The following APOD variants were observed in gnomAD, a reference collection of about 807,000 sequenced individuals.
The protein encoded by APOD is apo-D.
APOD carries 22 observed loss-of-function variants against 20.4 expected under a neutral mutation model. The ratio of observed to expected loss-of-function variants is 1.08; its 90% CI spans 0.77 to 1.54. The LOEUF (loss-of-function observed/expected upper bound fraction) is 1.54, where lower values mean the gene tolerates loss of function less well. APOD is among the 40% of genes most tolerant of loss of function. The probability of loss-of-function intolerance (pLI) is 0.00; values close to 1 mark genes in which losing one functional copy is unlikely to be tolerated. For synonymous variants in APOD, 97 were observed against 92.4 expected, an observed-to-expected ratio of 1.05 and a Z score of -0.29; for missense variants, 223 against 229.6, an observed-to-expected ratio of 0.97 and a Z score of 0.19.
chr3:195,573,680 C>G (rs1185610663), intron 3 of APOD, among the ~76,000 whole-genome samples, 170 bp downstream of exon 3: 1 of 152,182 alleles, frequency 6.6e-6, no homozygotes, highest in African/African-American at 2.4e-5. Context: ...ATAAGTGGAT[C>G]CTAGTCCTTG....
intron 4 of APOD, among the ~76,000 whole-genome samples, chr3:195,569,789 T>G (rs1720127502): frequency 1.7e-5 from 2 of 114,940 alleles, no homozygotes; most frequent in African/African-American, 3.7e-5. Context: ...CTTCTTCGTT[T>G]TTTTTTTTTT....
At chr3:195,570,277 C>T (rs141154253) in intron 4 of APOD, among the ~76,000 whole-genome samples, 8 of 152,268 alleles carry the variant, frequency 5.3e-5, no homozygotes, top group Middle Eastern at 3.4e-3. Flanking sequence ...TGATGGCCTG[C>T]GTCACTCAGC....
rs1178596473 is a variant in APOD, at chr3:195,568,976, T to C, written c.494A>G (p.Asn165Ser). ...LPPETVDSLKNILTSNNIDVK... is the reference protein window; with the variant it reads ...LPPETVDSLKSILTSNNIDVK... ...ATCAATGTTATTAGAAGTCAGGATATTTTTTAGAGAGTCCACTGTTTCTGG... is the reference window on the plus strand; with the variant it reads ...ATCAATGTTATTAGAAGTCAGGATACTTTTTAGAGAGTCCACTGTTTCTGG... The change falls in exon 5 of 5, where the codon AAT becomes AGT. Residue 165 changes from asparagine to serine, a missense_variant. Physicochemically the swap from Asn to Ser is conservative, Grantham distance 46. Coordinates refer to ENST00000343267, the MANE Select transcript of APOD (RefSeq NM_001647.4). 13 of 1,614,146 alleles carry C rather than the reference T, an allele frequency of 8.1e-6. No homozygotes were observed. Among genetic ancestry groups the C allele is most frequent in the Non-Finnish European group, 1.1e-5 (13 of 1,179,998 alleles).
At chr3:195,570,982 G>T (rs777747724) in intron 4 of APOD, 1 of 432,560 alleles carries the variant, frequency 2.3e-6, no homozygotes, top group Non-Finnish European at 4.3e-6. Context: ...GCCCACACCC[G>T]GTGTGCACCT....
chr3:195,574,942 AC>A (rs1395948555), intron 2 of APOD, among the ~76,000 whole-genome samples: 1 of 152,262 alleles, frequency 6.6e-6, no homozygotes, highest in Non-Finnish European at 1.5e-5. Flanking sequence ...AATGTTTATT[AC>A]GTTGGTTTTC....
At chr3:195,582,439 A>G (rs1468337085) in intron 1 of APOD, among the ~76,000 whole-genome samples, 1 of 152,220 alleles carries the variant, frequency 6.6e-6, no homozygotes, top group Non-Finnish European at 1.5e-5. Context: ...CAAAATAAGT[A>G]TAATTTAAAT....
intron 4 of APOD, among the ~76,000 whole-genome samples, chr3:195,569,574 C>T (rs991218997): frequency 7.2e-5 from 11 of 152,240 alleles, no homozygotes; most frequent in African/African-American, 1.9e-4. Context: ...GCCTTCCTCT[C>T]GTGGTCCAGT....
chr3:195,568,835 G>GT lies in APOD; in HGVS notation c.*64_*65insA, dbSNP rs1560456908. On this transcript the variant is annotated 3_prime_UTR_variant, in exon 5 of 5. Transcript: ENST00000343267. ...TGGTTGATTGGTTTGTCTTTATGGG[G>GT]GGGGGGTAGGGGAAAGCGAAGCAGA... The GT allele has an allele frequency of 5.2e-5, 55 of 1,064,866 alleles. No homozygotes were observed. The highest frequency in any genetic ancestry group is 2.2e-4 in the Middle Eastern group (1 of 4,464). The allele number at this position is 1,064,866 out of a possible 1,614,324, so 66.0% of individuals were successfully genotyped here.
At chr3:195,582,144 A>G (rs1232734786) in intron 1 of APOD, among the ~76,000 whole-genome samples, 1 of 152,126 alleles carries the variant, frequency 6.6e-6, no homozygotes, top group Non-Finnish European at 1.5e-5. Context: ...TGGTGAGCTG[A>G]GATTGCATCA....
chr3:195,577,379 C>A (rs1222421513), intron 2 of APOD, among the ~76,000 whole-genome samples: 1 of 152,152 alleles, frequency 6.6e-6, no homozygotes, highest in Non-Finnish European at 1.5e-5. Flanking sequence ...AGTTAGAAGA[C>A]TTAATATTGT....
intron 1 of APOD, among the ~76,000 whole-genome samples, chr3:195,581,714 A>G (rs1288225467): frequency 6.6e-6 from 1 of 152,224 alleles, no homozygotes; most frequent in Non-Finnish European, 1.5e-5. Context: ...TCTCACCACC[A>G]CATGACACTG....
chr3:195,575,406 G>A lies in APOD; in HGVS notation c.124-1435C>T, dbSNP rs548457799. ...AAAGTAACATTCACAAGGTTAGGGC[G>A]TGGACACCTTTGGAAGCCACTCTTC... On this transcript the variant is annotated intron_variant, in intron 2 of 4. Transcript: ENST00000343267. 3.9e-5 allele frequency among the ~76,000 whole-genome samples: 6 copies of A among 152,286 alleles called. No individual in the cohort carries two copies. The East Asian group carries it at 5.8e-4, about 15-fold the overall frequency.
chr3:195,575,333 T>G (rs1720231328), intron 2 of APOD, among the ~76,000 whole-genome samples: 1 of 152,238 alleles, frequency 6.6e-6, no homozygotes, highest in South Asian at 2.1e-4. Context: ...TCTGGCCATC[T>G]CAAGGCTCAT....
chr3:195,574,517 G>A (rs1419850014), intron 2 of APOD, among the ~76,000 whole-genome samples: 5 of 152,202 alleles, frequency 3.3e-5, no homozygotes, highest in Non-Finnish European at 7.4e-5. Context: ...GCCACTGTGT[G>A]GGGAAGGTCG....
intron 2 of APOD, among the ~76,000 whole-genome samples, chr3:195,576,493 A>G (rs1278867339): frequency 6.6e-6 from 1 of 152,244 alleles, no homozygotes; most frequent in Non-Finnish European, 1.5e-5. Context: ...GTTACAAGAT[A>G]CAAGATTAAT....
At position 195,571,346 on chromosome 3, in the gene APOD, G is replaced by C. The variant is rs1215501588; in HGVS notation, c.265C>G (p.Gln89Glu). The change falls in exon 4 of 5, where the codon CAA becomes GAA. Residue 89 changes from glutamine (Q) to glutamate (E), a missense_variant. Physicochemically the swap from Gln to Glu is conservative, Grantham distance 29. Coordinates refer to ENST00000343267, the MANE Select transcript of APOD (RefSeq NM_001647.4). ...ACTGGGGTGGCTTCACCTTCGATTT[G>C]ATTCACAGTTCCATCAGCTCTGCAG... ...QELRADGTVN[Q>E]IEGEATPVNL... 6.2e-7 allele frequency: 1 copy of C among 1,613,428 alleles called. No homozygotes were observed. The highest frequency in any genetic ancestry group is 1.7e-5 in the Admixed American group (1 of 59,964).
chr3:195,573,766 C>A, intron 3 of APOD, 84 bp downstream of exon 3: 1 of 1,531,636 alleles, frequency 6.5e-7, no homozygotes, highest in South Asian at 1.3e-5. Flanking sequence ...AGGTTCCCAT[C>A]CTCCCTGACC....
chr3:195,571,278 C>T lies in APOD; in HGVS notation c.333G>A (p.Trp111Ter). ...CTCCTGGGAAAAGTGGATACTTACA[C>T]CAGGAAAACTTAACTTCCAGCTTGG... ...EPAKLEVKFS[W>*]FMPSAPYWIL... The change falls in exon 4 of 5, where the codon TGG becomes TGA. Residue 111 changes from tryptophan to a stop codon, truncating the protein, a stop_gained and splice_region_variant. Transcript: ENST00000343267. LOFTEE classifies it high-confidence loss of function. 6.2e-7 allele frequency: 1 copy of T among 1,613,844 alleles called. No homozygotes were observed. Among genetic ancestry groups the T allele is most frequent in the South Asian group, 1.1e-5 (1 of 91,070 alleles).
intron 2 of APOD, among the ~76,000 whole-genome samples, chr3:195,576,535 C>G (rs563397883): frequency 6.6e-6 from 1 of 152,206 alleles, no homozygotes; most frequent in Non-Finnish European, 1.5e-5. Context: ...CTCAGCCAGA[C>G]GCAGTGGCTC....
Sources: gnomAD v4.1 joint callset for allele counts (sites outside exome capture counted in the v4.1 genomes callset) on GRCh38, gnomAD v4.1.1 for gene constraint, MANE v1.5 for transcripts, NCBI Gene and HGNC (gene_info 2026-07-23, HGNC 2026-07-21) for gene names.